The following DAAM2 variants were observed in gnomAD, a reference collection of about 807,000 sequenced individuals.
The protein encoded by DAAM2 is disheveled-associated activator of morphogenesis 2.
A neutral mutation model predicts 120.7 loss-of-function variants in DAAM2; 39 were observed. The observed-to-expected ratio is 0.32, with a 90% CI of 0.25 to 0.42. The LOEUF (loss-of-function observed/expected upper bound fraction) is 0.42. DAAM2 is among the 10% of genes least tolerant of loss of function. DAAM2 has a pLI of 1.00. For synonymous variants in DAAM2, 488 were observed against 524.9 expected (o/e 0.93, Z 0.96); for missense variants, 1,283 against 1,401.7 (o/e 0.92, Z 1.35).
intron 14 of DAAM2, among the ~76,000 whole-genome samples, chr6:39,880,224 C>G (rs1472214672): frequency 6.6e-6 from 1 of 152,210 alleles, no homozygotes; most frequent in Non-Finnish European, 1.5e-5. Flanking sequence ...GTTAGGTTGG[C>G]TCACTGGGAT....
chr6:39,888,848 C>A, intron 17 of DAAM2, 85 bp downstream of exon 17: 1 of 1,001,196 alleles, frequency 1.0e-6, no homozygotes, highest in Non-Finnish European at 1.5e-6. Flanking sequence ...GGCTGCGATT[C>A]TTGGGTCAAG....
chr6:39,883,667 C>T lies in DAAM2; in HGVS notation c.1846-295C>T, dbSNP rs187610987. On this transcript the variant is annotated intron_variant, in intron 14 of 24. Transcript: ENST00000274867. ...TTGCTTTTGGAAAAAGTGAAGTGGA[C>T]CCCCTTTCCTACTGCCTACCCATCC... is the stretch of plus-strand genomic sequence containing the variant. 1,236 of 323,424 alleles carry T rather than the reference C, an allele frequency of 3.8e-3. 6 individuals are homozygous for T. The highest frequency in any genetic ancestry group is 0.019 in the Middle Eastern group (21 of 1,100). 20.0% of individuals were successfully genotyped at this position (323,424 alleles called of 1,614,324 possible). A position where few individuals can be genotyped will look rare whatever the true frequency, so the allele number is the denominator to read the frequency against.
intron 1 of DAAM2, chr6:39,848,462 A>C (rs1296398365): frequency 1.3e-5 from 2 of 152,100 alleles, no homozygotes; most frequent in African/African-American, 4.8e-5. Context: ...AAACAGTTGG[A>C]AAATCCTCAA....
rs1766459926 is a variant in DAAM2, at chr6:39,901,211, C to A, written c.2812-91C>A. ...CAACAGTCCCCAGCCTTGCGCTGGG[C>A]TCTGCTCTGGCTAGAACCCAGCTAA... On this transcript the variant is annotated intron_variant, in intron 23 of 24. Transcript: ENST00000274867. This position sits in a 1 kb window ranked among gnomAD's most constrained non-coding sequence, Gnocchi z 4.5. The A allele has an allele frequency of 8.1e-7, 1 of 1,230,846 alleles. No homozygotes were observed. The allele number at this position is 1,230,846 out of a possible 1,614,324, so 76.2% of individuals were successfully genotyped here.
chr6:39,816,544 G>C (rs1351151503), intron 1 of DAAM2, among the ~76,000 whole-genome samples: 4 of 152,270 alleles, frequency 2.6e-5, no homozygotes, highest in African/African-American at 7.2e-5. Flanking sequence ...CTGGGGGCAG[G>C]GGGTGTGATG....
At chr6:39,839,771 G>A (rs780991691) in intron 1 of DAAM2, among the ~76,000 whole-genome samples, 1 of 152,244 alleles carries the variant, frequency 6.6e-6, no homozygotes, top group African/African-American at 2.4e-5. Flanking sequence ...GCCAGTGAGG[G>A]GAGCCCAGTG....
At chr6:39,866,620 G>T (rs541976935) in intron 5 of DAAM2, among the ~76,000 whole-genome samples, 189 of 152,288 alleles carry the variant, frequency 1.2e-3, no homozygotes, top group African/African-American at 4.4e-3. Context: ...AAAAAGATAG[G>T]CATAACAAAT....
At chr6:39,837,477 A>G (rs1383342259) in intron 1 of DAAM2, among the ~76,000 whole-genome samples, 1 of 151,932 alleles carries the variant, frequency 6.6e-6, no homozygotes, top group Non-Finnish European at 1.5e-5. Context: ...GTGCTGACCA[A>G]TATGATGAAA....
intron 1 of DAAM2, among the ~76,000 whole-genome samples, chr6:39,838,056 G>C (rs1763176982): frequency 6.6e-6 from 1 of 152,192 alleles, no homozygotes; most frequent in African/African-American, 2.4e-5. Context: ...GGATGCTTCT[G>C]GTAGGGATTT....
rs554639240 is a variant in DAAM2, at chr6:39,890,061, G to T, written c.2146-1280G>T. On this transcript the variant is annotated intron_variant, in intron 17 of 24. Coordinates refer to ENST00000274867, the MANE Select transcript of DAAM2 (RefSeq NM_001201427.2). Reference sequence around the variant, plus strand: ...GAGAATCACTTGAACCCAGGAGGCGGAGGTTGCAGTGAGGTGAGATGGTGC... The same window carrying T: ...GAGAATCACTTGAACCCAGGAGGCGTAGGTTGCAGTGAGGTGAGATGGTGC... 8.5e-5 allele frequency among the ~76,000 whole-genome samples: 13 copies of T among 152,178 alleles called. No homozygotes were observed. In the East Asian group the frequency reaches 2.5e-3, roughly 29 times the overall value.
intron 16 of DAAM2, 127 bp downstream of exon 16, chr6:39,887,719 A>AG (rs1765461706): frequency 5.3e-6 from 2 of 379,378 alleles, no homozygotes; most frequent in Non-Finnish European, 9.1e-6. Context: ...TTGATCTGGA[A>AG]CTGTCTCTCG....
At position 39,879,428 on chromosome 6, in the gene DAAM2, C is replaced by G. The variant is rs758299573; in HGVS notation, c.1796C>G (p.Pro599Arg). ...GTCCCACTCAGGAAAAAGCGTGTCC[C>G]CCAGCCTTCTCACCCACTGAAGTCC... ...SDVPLRKKRVPQPSHPLKSFN... is the reference protein window; with the variant it reads ...SDVPLRKKRVRQPSHPLKSFN... The change falls in exon 14 of 25, where the codon CCC becomes CGC. Residue 599 changes from proline (P) to arginine (R), a missense_variant. Physicochemically the swap from Pro to Arg is moderately radical, Grantham distance 103. Around this residue, in one of 3 missense-constraint regions of DAAM2, gnomAD observed 748 missense variants for 768.6 expected, o/e 0.97. Transcript: ENST00000274867. 2 of 1,614,010 alleles carry G rather than the reference C, an allele frequency of 1.2e-6. No individual in the cohort carries two copies.
At chr6:39,845,676 T>G (rs1410195703) in intron 1 of DAAM2, among the ~76,000 whole-genome samples, 1 of 152,052 alleles carries the variant, frequency 6.6e-6, no homozygotes, top group East Asian at 1.9e-4. Flanking sequence ...CTGTCTTTAG[T>G]GAGCATCTCC....
chr6:39,822,301 A>C (rs1457376364), intron 1 of DAAM2: 1 of 152,188 alleles, frequency 6.6e-6, no homozygotes, highest in African/African-American at 2.4e-5. Context: ...CCTCCCATGG[A>C]GGAAGCAGGA....
At chr6:39,812,551 T>A (rs9367029) in intron 1 of DAAM2, among the ~76,000 whole-genome samples, 19,194 of 152,142 alleles carry the variant, frequency 0.13, 1,329 homozygotes, top group Non-Finnish European at 0.15. Flanking sequence ...TGCTTTGTTA[T>A]AACTCTCTAG....
intron 1 of DAAM2, among the ~76,000 whole-genome samples, chr6:39,826,461 G>A (rs533853822): frequency 6.6e-6 from 1 of 152,130 alleles, no homozygotes; most frequent in East Asian, 1.9e-4. Context: ...GGGTTTTGGG[G>A]GACTCTCGAC....
chr6:39,899,018 C>T, intron 22 of DAAM2, 81 bp downstream of exon 22: 2 of 1,021,038 alleles, frequency 2.0e-6, no homozygotes, highest in South Asian at 1.5e-5. Flanking sequence ...AGCTCCTACA[C>T]AGGGGCAAAA....
intron 9 of DAAM2, among the ~76,000 whole-genome samples, chr6:39,871,783 CATTT>C (rs1340843970): frequency 1.3e-5 from 2 of 152,158 alleles, no homozygotes; most frequent in Non-Finnish European, 2.9e-5. Context: ...GATGAGAGGG[CATTT>C]ATTAGGCGAA....
chr6:39,875,640 C>T (rs565846850), intron 11 of DAAM2, among the ~76,000 whole-genome samples, 172 bp downstream of exon 11: 2 of 152,208 alleles, frequency 1.3e-5, no homozygotes, highest in Non-Finnish European at 2.9e-5. Context: ...GTGCATTTCT[C>T]TACTGTTCAA....
Sources: allele counts gnomAD v4.1 joint callset (sites outside exome capture counted in the v4.1 genomes callset), GRCh38; gene constraint gnomAD v4.1.1; regional missense constraint gnomAD v4.1.1; non-coding constraint Gnocchi (gnomAD v3.1); transcripts MANE v1.5; gene names NCBI Gene and HGNC (gene_info 2026-07-23, HGNC 2026-07-21).